KDM6B: variants seen among roughly 807,000 people sequenced by gnomAD.
The protein encoded by KDM6B is lysine-specific demethylase 6B.
A neutral mutation model predicts 150.4 loss-of-function variants in KDM6B; 22 were observed. That is an observed-to-expected ratio of 0.15 (90% CI 0.10 to 0.21). The LOEUF is 0.21. Among genes scored for constraint, KDM6B ranks in the 10% least tolerant of loss-of-function variants. KDM6B has a pLI of 1.00. For synonymous variants in KDM6B, 1,148 were observed against 921.1 expected (o/e 1.25, Z -4.46); for missense variants, 1,984 against 2,234.3 (o/e 0.89, Z 2.26).
Position 7,848,230 on chromosome 17 carries a change from C to T in KDM6B, c.1942C>T (p.Pro648Ser). 1 of 1,611,450 alleles carries T rather than the reference C, an allele frequency of 6.2e-7. No homozygotes were observed. The highest frequency in any genetic ancestry group is 8.5e-7 in the Non-Finnish European group (1 of 1,178,922). ...PEVGPGPPPG[P>S]LSKAPQPVPP... The stretch of plus-strand genomic sequence containing the variant: ...GGTGGGGCCGGGGCCACCCCCAGGC[C>T]CCCTGAGTAAAGCCCCCCAGCCTGT... Residue 648 changes from proline (P) to serine (S), a missense_variant, in exon 12 of 24, where the codon CCC (proline) becomes TCC (serine). By Grantham distance (74) the Pro-to-Ser change is moderately conservative (BLOSUM62 -1). Transcript: ENST00000448097.
Position 7,846,385 on chromosome 17 carries a change from TCC to T in KDM6B, c.457-10_457-9del. On this transcript the variant is annotated splice_polypyrimidine_tract_variant and intron_variant, in intron 7 of 23. Coordinates refer to ENST00000448097, the MANE Select transcript of KDM6B (RefSeq NM_001348716.2). ...ACCTGACATCTGCCCCTGCCCCGTG[TCC>T]CCCCACCCCCAGGCCCAGCTCTGGA... 1.9e-6 allele frequency: 1 copy of T among 527,610 alleles called. No homozygotes were observed. Among genetic ancestry groups the T allele is most frequent in the Non-Finnish European group, 3.6e-6 (1 of 279,208 alleles). 32.7% of individuals were successfully genotyped at this position (527,610 alleles called of 1,614,324 possible). A position where few individuals can be genotyped will look rare whatever the true frequency, so the allele number is the denominator to read the frequency against.
rs780800877 is a variant in KDM6B at position 7,848,622 on chromosome 17, A to G, written c.2334A>G (p.Pro778=). The change falls in exon 12 of 24, where the codon CCA becomes CCG. Residue 778 remains proline (P), a synonymous_variant. Coordinates refer to ENST00000448097, the MANE Select transcript of KDM6B (RefSeq NM_001348716.2). ...EKKPPPALPP[P]PPLAKFPPPS... ...AGCCACCACCAGCCCTACCACCACC[A>G]CCGCCTCTAGCCAAGTTCCCTCCAC... is the stretch of plus-strand genomic sequence containing the variant. 11 of 1,588,778 alleles carry G rather than the reference A, an allele frequency of 6.9e-6. No individual in the cohort carries two copies. Among genetic ancestry groups the G allele is most frequent in the Non-Finnish European group, 8.6e-6 (10 of 1,169,324 alleles).
At chr17:7,842,194 G>A (rs1424595857) in intron 2 of KDM6B, among the ~76,000 whole-genome samples, 2 of 152,184 alleles carry the variant, frequency 1.3e-5, no homozygotes, top group Admixed American at 1.3e-4. Context: ...GTGATTGATG[G>A]AGTGTTCTCT....
intron 21 of KDM6B, 137 bp downstream of exon 21, chr17:7,852,773 C>T: frequency 7.4e-7 from 1 of 1,344,916 alleles, no homozygotes; most frequent in Non-Finnish European, 1.1e-6. Context: ...GTTGGGGAGG[C>T]TAACTAGGTC....
rs748896517 is a variant in KDM6B at position 7,846,664 on chromosome 17, C to T, written c.635C>T (p.Ala212Val). The T allele has an allele frequency of 5.0e-6, 8 of 1,614,124 alleles. No homozygotes were observed. The highest frequency in any genetic ancestry group is 6.8e-6 in the Non-Finnish European group (8 of 1,179,990). Reference protein sequence around the residue: ...EPPVVQPVPPAALSGPSGEEG... With the variant: ...EPPVVQPVPPVALSGPSGEEG... ...CCAGTGGTGCAGCCTGTGCCTCCTG[C>T]AGCACTCTCAGGCCCCTCAGGGGAG... The change falls in exon 9 of 24, where the codon GCA becomes GTA. Residue 212 changes from alanine to valine, a missense_variant. Ala to Val is a moderately conservative substitution (Grantham distance 64, BLOSUM62 0). Transcript: ENST00000448097.
rs779500605 is a variant in KDM6B, at chr17:7,849,912, C to T, written c.3532C>T (p.Arg1178Trp). The change falls in exon 13 of 24, where the codon CGG (arginine) becomes TGG (tryptophan). Residue 1178 changes from arginine to tryptophan, a missense_variant. Coordinates refer to ENST00000448097, the MANE Select transcript of KDM6B (RefSeq NM_001348716.2). ...GATCAACACTGAGGAGAAGCTGCCC[C>T]GGGAAAAACTCAACCCCCCTACACC... ...PKINTEEKLP[R>W]EKLNPPTPSI... The T allele has an allele frequency of 4.3e-6, 7 of 1,613,452 alleles. No homozygotes were observed. The highest frequency in any genetic ancestry group is 1.1e-5 in the South Asian group (1 of 91,084).
In KDM6B at chr17:7,844,390, G is replaced by C. The variant is rs944951217; in HGVS notation, c.-268-511G>C. The C allele has an allele frequency of 1.3e-5, 2 of 152,598 alleles. No individual in the cohort carries two copies. The highest frequency in any genetic ancestry group is 4.8e-5 in the African/African-American group (2 of 41,454). The allele number at this position is 152,598 out of a possible 1,614,324, so 9.5% of individuals were successfully genotyped here. Reference sequence around the variant, plus strand: ...GGGGCTTGACCAAGGTTTGGGTCGGGGTCAGGCGTTGGGGGTGGAGCGCCG... The same window carrying C: ...GGGGCTTGACCAAGGTTTGGGTCGGCGTCAGGCGTTGGGGGTGGAGCGCCG... On this transcript the variant is annotated intron_variant, in intron 2 of 23. Coordinates refer to ENST00000448097, the MANE Select transcript of KDM6B (RefSeq NM_001348716.2). This position sits in a 1 kb window ranked among gnomAD's most constrained non-coding sequence, Gnocchi z 5.9.
At chr17:7,852,388 C>T (rs1234870436) in intron 20 of KDM6B, 52 bp downstream of exon 20, 20 of 1,592,420 alleles carry the variant, frequency 1.3e-5, no homozygotes, top group Non-Finnish European at 1.7e-5. Flanking sequence ...GCGGCAAGGG[C>T]CTGGGAGGCT....
intron 21 of KDM6B, 145 bp from the exon 22 acceptor site, chr17:7,852,855 C>T: frequency 3.1e-6 from 4 of 1,300,686 alleles, no homozygotes; most frequent in Non-Finnish European, 4.4e-6. Flanking sequence ...TAACAGATGC[C>T]CAGGACAGAG....
Position 7,847,727 on chromosome 17 carries a change from C to T in KDM6B, c.1439C>T (p.Pro480Leu). Residue 480 changes from proline to leucine, a missense_variant, in exon 12 of 24, where the codon CCA (proline) becomes CTA (leucine). Physicochemically the swap from Pro to Leu is moderately conservative, Grantham distance 98. Coordinates refer to ENST00000448097, the MANE Select transcript of KDM6B (RefSeq NM_001348716.2). ...PPPCPRLLRP[P>L]PPPAWLKGPA... Reference sequence around the variant, plus strand: ...CCCTGTCCCCGCCTCTTACGCCCCCCACCACCCCCTGCCTGGTTGAAGGGT... The same window carrying T: ...CCCTGTCCCCGCCTCTTACGCCCCCTACCACCCCCTGCCTGGTTGAAGGGT... 1 of 1,542,766 alleles carries T rather than the reference C, an allele frequency of 6.5e-7. No homozygotes were observed. Among genetic ancestry groups the T allele is most frequent in the South Asian group, 1.2e-5 (1 of 83,772 alleles).
chr17:7,847,065 T>C, intron 10 of KDM6B, 40 bp from the exon 11 acceptor site: 1 of 1,610,918 alleles, frequency 6.2e-7, no homozygotes, highest in Non-Finnish European at 8.5e-7. Flanking sequence ...AGTCCCACGC[T>C]CTCTATTCCT....
At chr17:7,836,106 A>C (rs961070298) in intron 1 of KDM6B, among the ~76,000 whole-genome samples, 1 of 152,066 alleles carries the variant, frequency 6.6e-6, no homozygotes, top group African/African-American at 2.4e-5. Context: ...CCCCTTCCCA[A>C]GGCTTCTCCC....
rs2078450846 is a variant in KDM6B, at chr17:7,843,073, G to C, written c.-268-1828G>C. Among the ~76,000 whole-genome samples, 1 of 152,196 alleles carries C rather than the reference G, an allele frequency of 6.6e-6. No individual in the cohort carries two copies. The highest frequency in any genetic ancestry group is 1.5e-5 in the Non-Finnish European group (1 of 68,024). ...GAGGGACGGCACTCACTGACTTAGG[G>C]AAAGCTGAGTCAGTTCCCCGTGGGA... is the stretch of plus-strand genomic sequence containing the variant. On this transcript the variant is annotated intron_variant, in intron 2 of 23. Coordinates refer to ENST00000448097, the MANE Select transcript of KDM6B (RefSeq NM_001348716.2). The surrounding 1 kb of genome is among the most constrained non-coding windows in gnomAD (Gnocchi z 4.5).
Position 7,849,250 on chromosome 17 carries a change from C to G in KDM6B, c.2962C>G (p.Arg988Gly). The change falls in exon 12 of 24, where the codon CGG becomes GGG. Residue 988 changes from arginine to glycine, a missense_variant. Coordinates refer to ENST00000448097, the MANE Select transcript of KDM6B (RefSeq NM_001348716.2). ...EHQKEHRRHR[R>G]ACKDSVGRRP... Reference sequence around the variant, plus strand: ...TCAGAAGGAGCATCGGCGGCACAGGCGGGCCTGTAAGGACAGTGTGGGTCG... The same window carrying G: ...TCAGAAGGAGCATCGGCGGCACAGGGGGGCCTGTAAGGACAGTGTGGGTCG... The G allele has an allele frequency of 6.4e-7, 1 of 1,562,254 alleles. No homozygotes were observed.
In KDM6B at chr17:7,853,340, G is replaced by T. The variant is rs1378460812; in HGVS notation, c.4868G>T (p.Arg1623Leu). ...GGCGTGGTGGTGCTGGAGCAGTACCGCACTGAGGAGCTGGCTCAGGCCTAC... is the reference window on the plus strand; with the variant it reads ...GGCGTGGTGGTGCTGGAGCAGTACCTCACTGAGGAGCTGGCTCAGGCCTAC... ...LQGVVVLEQY[R>L]TEELAQAYDA... Residue 1623 changes from arginine (R) to leucine (L), a missense_variant, in exon 23 of 24, where the codon CGC becomes CTC. Arg to Leu is a moderately radical substitution (Grantham distance 102, BLOSUM62 -2). This residue lies in a region of KDM6B where 58 missense variants were observed against 76.4 expected (regional missense o/e 0.76). Transcript: ENST00000448097. 2 of 1,575,704 alleles carry T rather than the reference G, an allele frequency of 1.3e-6. No homozygotes were observed. Among genetic ancestry groups the T allele is most frequent in the Non-Finnish European group, 1.7e-6 (2 of 1,163,276 alleles).
intron 1 of KDM6B, among the ~76,000 whole-genome samples, chr17:7,839,652 A>G (rs1217709548): frequency 6.6e-6 from 1 of 152,094 alleles, no homozygotes; most frequent in Non-Finnish European, 1.5e-5. Context: ...AAGAGGGATC[A>G]CGGGTTTGGG....
In KDM6B at chr17:7,854,787, A is replaced by AG. The variant is rs1352151277; in HGVS notation, c.*1267dup. 2.5e-6 allele frequency: 1 copy of AG among 405,648 alleles called. No homozygotes were observed. Among genetic ancestry groups the AG allele is most frequent in the Non-Finnish European group, 4.5e-6 (1 of 223,820 alleles). The allele number at this position is 405,648 out of a possible 1,614,324, so 25.1% of individuals were successfully genotyped here. ...GAATATTAATATTAAAAATAAACGG[A>AG]GAAAAAAAATCCTGTTTCGCTAACG... On this transcript the variant is annotated 3_prime_UTR_variant, in exon 24 of 24. Transcript: ENST00000448097.
rs1257156719 is a variant in KDM6B, at chr17:7,853,058, G to T, written c.4669G>T (p.Ala1557Ser). ...CQVQRESLVR[A>S]GKKIAYQGRV... ...GGTGCAACGCGAGAGCCTGGTGCGG[G>T]CAGGGAAGAAAATCGCTTACCAGGG... The change falls in exon 22 of 24, where the codon GCA becomes TCA. Residue 1557 changes from alanine (A) to serine (S), a missense_variant. Transcript: ENST00000448097. 5 of 1,614,104 alleles carry T rather than the reference G, an allele frequency of 3.1e-6. No homozygotes were observed. Among genetic ancestry groups the T allele is most frequent in the Non-Finnish European group, 4.2e-6 (5 of 1,180,026 alleles).
At position 7,852,937 on chromosome 17, in the gene KDM6B, C is replaced by A. The variant is rs149078689; in HGVS notation, c.4611-63C>A. ...GGGGCTGCCCACCCCTCTGCCCTTG[C>A]TCCAGCCCTGCCTCAGGCCTCCTCC... is the stretch of plus-strand genomic sequence containing the variant. On this transcript the variant is annotated intron_variant, in intron 21 of 23. Coordinates refer to ENST00000448097, the MANE Select transcript of KDM6B (RefSeq NM_001348716.2). 1.4e-3 allele frequency: 2,225 copies of A among 1,610,692 alleles called. 18 individuals carry two copies. The African/African-American group carries it at 0.024, about 18-fold the overall frequency.
Sources: gnomAD v4.1 joint callset for allele counts (sites outside exome capture counted in the v4.1 genomes callset) on GRCh38, gnomAD v4.1.1 for gene constraint, gnomAD v4.1.1 regional missense constraint, Gnocchi (gnomAD v3.1) non-coding constraint, MANE v1.5 for transcripts, NCBI Gene and HGNC (gene_info 2026-07-23, HGNC 2026-07-21) for gene names.